Variants in SRPK2 observed in about 807,000 individuals in gnomAD.
SRPK2 encodes the protein SRSF protein kinase 2.
Under a neutral mutation model 90.8 loss-of-function variants are expected in SRPK2, and 21 were observed. That is an observed-to-expected ratio of 0.23 (90% CI 0.16 to 0.33). SRPK2 has a LOEUF of 0.33. Among genes scored for constraint, SRPK2 ranks in the 10% least tolerant of loss-of-function variants. The pLI is 1.00. For synonymous variants in SRPK2, 288 were observed against 311.1 expected, an observed-to-expected ratio of 0.93 and a Z score of 0.78; for missense variants, 620 against 869.0, an observed-to-expected ratio of 0.71 and a Z score of 3.60.
At chr7:105,275,651 A>G (rs1806387575) in intron 2 of SRPK2, among the ~76,000 whole-genome samples, 1 of 152,224 alleles carries the variant, frequency 6.6e-6, no homozygotes, top group South Asian at 2.1e-4. Flanking sequence ...CTATCAGTAC[A>G]GCACTAAGCC....
intron 2 of SRPK2, among the ~76,000 whole-genome samples, chr7:105,308,137 T>C (rs888832364): frequency 2.0e-5 from 3 of 152,198 alleles, no homozygotes; most frequent in African/African-American, 7.2e-5. Context: ...CTGCTCTACC[T>C]GGAGGTCCTA....
At chr7:105,132,691 G>C in intron 13 of SRPK2, 100 bp downstream of exon 13, 1 of 962,660 alleles carries the variant, frequency 1.0e-6, no homozygotes, top group Non-Finnish European at 1.5e-6. Context: ...CTTACAGTCA[G>C]AAAAACTGAG....
intron 2 of SRPK2, among the ~76,000 whole-genome samples, chr7:105,295,407 G>A (rs776999542): frequency 6.6e-6 from 1 of 151,920 alleles, no homozygotes; most frequent in Non-Finnish European, 1.5e-5. Flanking sequence ...TCTTGGATGT[G>A]TTAAACTAAA....
intron 2 of SRPK2, among the ~76,000 whole-genome samples, chr7:105,220,325 G>A (rs929099973): frequency 2.0e-4 from 30 of 151,950 alleles, no homozygotes; most frequent in African/African-American, 6.3e-4. Flanking sequence ...TCAAGAGATC[G>A]ATACCAGCCT....
At chr7:105,156,577 T>C (rs1806525442) in intron 7 of SRPK2, among the ~76,000 whole-genome samples, 1 of 152,182 alleles carries the variant, frequency 6.6e-6, no homozygotes, top group African/African-American at 2.4e-5. Flanking sequence ...CATGGCTCAC[T>C]GCAGCCTTGA....
At chr7:105,271,345 C>T (rs1013348022) in intron 2 of SRPK2, among the ~76,000 whole-genome samples, 1 of 152,186 alleles carries the variant, frequency 6.6e-6, no homozygotes, top group East Asian at 1.9e-4. Context: ...AAGCCCCAAA[C>T]CAAAGAGGAT....
intron 2 of SRPK2, chr7:105,301,803 G>A (rs768520067): frequency 6.4e-6 from 10 of 1,561,654 alleles, no homozygotes; most frequent in Admixed American, 3.3e-5. Context: ...TCTTGGAACC[G>A]CTATGACCTG....
chr7:105,166,608 A>G (rs1046073724), intron 6 of SRPK2, among the ~76,000 whole-genome samples: 4 of 152,216 alleles, frequency 2.6e-5, no homozygotes, highest in African/African-American at 9.6e-5. Context: ...TCTTTCTTAT[A>G]TGTTTGAAAT....
chr7:105,158,550 G>C (rs919801488), intron 7 of SRPK2, among the ~76,000 whole-genome samples: 1 of 152,146 alleles, frequency 6.6e-6, no homozygotes, highest in African/African-American at 2.4e-5. Flanking sequence ...ACTGCGCCTG[G>C]CCAAATTCAC....
chr7:105,396,657 G>GAA (rs1445931485), intron 1 of SRPK2, among the ~76,000 whole-genome samples: 3 of 136,364 alleles, frequency 2.2e-5, no homozygotes, highest in East Asian at 2.5e-4. Flanking sequence ...GAGAGAGAGA[G>GAA]AAAAGAAGAA....
At chr7:105,135,276 G>A (rs1164654041) in intron 11 of SRPK2, among the ~76,000 whole-genome samples, 4 of 152,154 alleles carry the variant, frequency 2.6e-5, no homozygotes. Context: ...AGAAGAATCG[G>A]AAGGGACCAC....
chr7:105,357,198 G>A (rs894335431), intron 2 of SRPK2, among the ~76,000 whole-genome samples: 5 of 151,970 alleles, frequency 3.3e-5, no homozygotes, highest in Non-Finnish European at 7.4e-5. Flanking sequence ...CACCACGCCT[G>A]GCTAATTTTT....
intron 2 of SRPK2, among the ~76,000 whole-genome samples, chr7:105,222,040 C>T (rs1416941347): frequency 2.0e-5 from 3 of 152,188 alleles, no homozygotes; most frequent in South Asian, 4.1e-4. Context: ...TCATCATACA[C>T]GTCTACCAAA....
chr7:105,170,131 A>T (rs1790620752), intron 3 of SRPK2, among the ~76,000 whole-genome samples: 1 of 152,154 alleles, frequency 6.6e-6, no homozygotes, highest in Non-Finnish European at 1.5e-5. Context: ...CTGTATTTCA[A>T]TCTAGGTGTG....
intron 2 of SRPK2, among the ~76,000 whole-genome samples, chr7:105,270,111 A>T (rs73715548): frequency 0.012 from 1,813 of 152,354 alleles, 31 homozygotes; most frequent in African/African-American, 0.042. Context: ...ATATCCTCTC[A>T]GCGTTGTTAA....
chr7:105,148,201 T>G (rs1804946269), intron 7 of SRPK2, among the ~76,000 whole-genome samples: 1 of 152,220 alleles, frequency 6.6e-6, no homozygotes, highest in South Asian at 2.1e-4. Flanking sequence ...CAAGTGGATA[T>G]GAAGTATCTT....
At chr7:105,341,002 T>C (rs796161377) in intron 2 of SRPK2, among the ~76,000 whole-genome samples, 4 of 152,236 alleles carry the variant, frequency 2.6e-5, no homozygotes, top group African/African-American at 9.6e-5. Flanking sequence ...GATTAACGGA[T>C]GATGTCACAA....
chr7:105,398,381 CTTTT>C (rs1183621196), intron 1 of SRPK2, among the ~76,000 whole-genome samples: 3 of 135,088 alleles, frequency 2.2e-5, no homozygotes, highest in South Asian at 2.4e-4. Flanking sequence ...ACCCAGCCTC[CTTTT>C]TTTTTTTTTT....
intron 2 of SRPK2, among the ~76,000 whole-genome samples, chr7:105,277,683 A>C (rs921765492): frequency 6.6e-6 from 1 of 152,226 alleles, no homozygotes; most frequent in Admixed American, 6.5e-5. Context: ...AGAAAAGCAG[A>C]AATTCTGCAA....
Sources: gnomAD v4.1 joint callset for allele counts (sites outside exome capture counted in the v4.1 genomes callset) on GRCh38, gnomAD v4.1.1 for gene constraint, MANE v1.5 for transcripts, NCBI Gene and HGNC (gene_info 2026-07-23, HGNC 2026-07-21) for gene names.